The following FAH variants were observed in gnomAD, a reference collection of about 807,000 sequenced individuals.
FAH encodes fumarylacetoacetase.
In FAH, 47 loss-of-function variants were observed where a neutral mutation model predicts 55.8. The observed-to-expected ratio is 0.84, with a 90% CI of 0.67 to 1.07. The LOEUF is 1.07. Among genes scored for constraint, FAH ranks in the 50% least tolerant of loss-of-function variants. The pLI is 0.00. For missense variants in FAH, 495 were observed against 545.9 expected, an observed-to-expected ratio of 0.91 and a Z score of 0.93; for synonymous variants, 199 against 207.7, an observed-to-expected ratio of 0.96 and a Z score of 0.36.
At chr15:80,159,932 G>A (rs115097266) in intron 3 of FAH, 55 bp downstream of exon 3, 10 of 1,591,708 alleles carry the variant, frequency 6.3e-6, no homozygotes, top group Non-Finnish European at 7.7e-6. Context: ...GGAGGTGAAG[G>A]CTGTGTGGTT....
chr15:80,185,570 A>G (rs1177525762), intron 13 of FAH, among the ~76,000 whole-genome samples: 2 of 152,212 alleles, frequency 1.3e-5, no homozygotes, highest in South Asian at 4.1e-4. Flanking sequence ...AAAGAAAGAG[A>G]GGTTTAATGG....
chr15:80,171,251 C>A (rs950087106), intron 7 of FAH, among the ~76,000 whole-genome samples: 1 of 151,954 alleles, frequency 6.6e-6, no homozygotes, highest in Non-Finnish European at 1.5e-5. Context: ...CTCTTCCCCC[C>A]ACCCCACAAC....
chr15:80,176,382 T>A lies in FAH; in HGVS notation c.914-1155T>A, dbSNP rs527904693. On this transcript the variant is annotated intron_variant, in intron 10 of 13. Coordinates refer to ENST00000561421, the MANE Select transcript of FAH (RefSeq NM_000137.4). ...AGGCTTTGCCATGTCTGTCTCACTGTCAGTTCCAGGGTCTCGGCCCTTCAT... is the reference window on the plus strand; with the variant it reads ...AGGCTTTGCCATGTCTGTCTCACTGACAGTTCCAGGGTCTCGGCCCTTCAT... Among the ~76,000 whole-genome samples the A allele has an allele frequency of 1.4e-4, 22 of 152,314 alleles. No individual in the cohort carries two copies. The East Asian group carries it at 4.1e-3, about 28-fold the overall frequency.
At chr15:80,183,490 G>A (rs1433723935) in intron 13 of FAH, among the ~76,000 whole-genome samples, 1 of 152,184 alleles carries the variant, frequency 6.6e-6, no homozygotes, top group Non-Finnish European at 1.5e-5. Context: ...CACCTTCTAC[G>A]ACTTCACTGG....
At chr15:80,177,338 G>A in intron 10 of FAH, 199 bp from the exon 11 acceptor site, 1 of 614,352 alleles carries the variant, frequency 1.6e-6, no homozygotes, top group Non-Finnish European at 2.9e-6. Context: ...CGTGGGAGGA[G>A]GAAGTGATGA....
At chr15:80,176,499 C>T (rs1161670841) in intron 10 of FAH, among the ~76,000 whole-genome samples, 1 of 152,228 alleles carries the variant, frequency 6.6e-6, no homozygotes, top group Non-Finnish European at 1.5e-5. Flanking sequence ...CACAGAGAGC[C>T]TCCTGGCTGC....
intron 10 of FAH, among the ~76,000 whole-genome samples, chr15:80,175,376 C>G (rs2041274012): frequency 2.6e-5 from 4 of 152,176 alleles, no homozygotes; most frequent in African/African-American, 9.6e-5. Context: ...AATCCCCTCC[C>G]CAGCCTCTCC....
intron 7 of FAH, among the ~76,000 whole-genome samples, chr15:80,169,721 G>C (rs1394718601): frequency 6.6e-6 from 1 of 152,066 alleles, no homozygotes; most frequent in East Asian, 2.0e-4. Context: ...TTTTAGTAGA[G>C]ACAGGGTTTC....
chr15:80,160,303 C>A, intron 3 of FAH, 107 bp from the exon 4 acceptor site: 1 of 1,139,288 alleles, frequency 8.8e-7, no homozygotes, highest in Non-Finnish European at 1.3e-6. Context: ...CCAGAAGGTG[C>A]CCACTGGAGA....
intron 8 of FAH, 24 bp from the exon 9 acceptor site, chr15:80,172,990 C>A: frequency 6.2e-7 from 1 of 1,614,150 alleles, no homozygotes; most frequent in Non-Finnish European, 8.5e-7. Context: ...CTTTGTAAGT[C>A]CTGGCTGTGC....
intron 13 of FAH, among the ~76,000 whole-genome samples, chr15:80,181,736 C>T (rs2041332750): frequency 6.6e-6 from 1 of 152,040 alleles, no homozygotes. Flanking sequence ...CTCAGTTTAC[C>T]TCATCTTTAA....
intron 3 of FAH, 145 bp from the exon 4 acceptor site, chr15:80,160,265 G>A (rs1004102445): frequency 8.5e-6 from 7 of 823,276 alleles, no homozygotes; most frequent in Non-Finnish European, 1.3e-5. Context: ...GCTGTGAAAG[G>A]TTCAGCATAG....
At chr15:80,180,423 TG>T in intron 12 of FAH, 198 bp downstream of exon 12, 1 of 592,120 alleles carries the variant, frequency 1.7e-6, no homozygotes, top group Non-Finnish European at 3.0e-6. Context: ...AAGAGACTGG[TG>T]TGAGAACGGA....
At chr15:80,179,577 C>T (rs543095557) in intron 11 of FAH, among the ~76,000 whole-genome samples, 1 of 152,232 alleles carries the variant, frequency 6.6e-6, no homozygotes, top group Admixed American at 6.5e-5. Context: ...CTGCCCACAG[C>T]CTGACCGCCC....
chr15:80,167,969 T>C (rs2041207648), intron 5 of FAH, 83 bp from the exon 6 acceptor site: 1 of 1,137,258 alleles, frequency 8.8e-7, no homozygotes, highest in African/African-American at 1.5e-5. Flanking sequence ...CGACTCTTTG[T>C]TTCTAGTTTT....
At chr15:80,165,344 C>T (rs2041182616) in intron 5 of FAH, among the ~76,000 whole-genome samples, 1 of 152,192 alleles carries the variant, frequency 6.6e-6, no homozygotes, top group Admixed American at 6.5e-5. Context: ...GCCTGGCCAA[C>T]ATGGTGAAAC....
At chr15:80,172,580 A>G (rs1333705416) in intron 8 of FAH, among the ~76,000 whole-genome samples, 1 of 152,116 alleles carries the variant, frequency 6.6e-6, no homozygotes. Context: ...TTATCTTCCC[A>G]TTTTACAGAT....
chr15:80,153,042 G>C lies in FAH; in HGVS notation c.-13G>C. The C allele has an allele frequency of 3.7e-6, 6 of 1,612,082 alleles. No individual in the cohort carries two copies. The highest frequency in any genetic ancestry group is 5.1e-6 in the Non-Finnish European group (6 of 1,179,438). ...CCACCTTAGGCCCGCAGCCGTGCCG[G>C]GTGCTCTTCAGCATGTCCTTCATCC... On this transcript the variant is annotated 5_prime_UTR_variant, in exon 1 of 14. Coordinates refer to ENST00000561421, the MANE Select transcript of FAH (RefSeq NM_000137.4).
At chr15:80,154,063 TAA>T (rs1196740531) in intron 1 of FAH, among the ~76,000 whole-genome samples, 4 of 152,188 alleles carry the variant, frequency 2.6e-5, no homozygotes, top group African/African-American at 4.8e-5. Context: ...CTGTCTGCGG[TAA>T]GTGCTTTGGT....
Sources: allele counts gnomAD v4.1 joint callset (sites outside exome capture counted in the v4.1 genomes callset), GRCh38; gene constraint gnomAD v4.1.1; transcripts MANE v1.5; gene names NCBI Gene and HGNC (gene_info 2026-07-23, HGNC 2026-07-21).